The following MMP26 variants were observed in gnomAD, a reference collection of about 807,000 sequenced individuals.
MMP26 encodes matrix metalloproteinase-26.
Under a neutral mutation model 31.0 loss-of-function variants are expected in MMP26, and 33 were observed. That is an observed-to-expected ratio of 1.06 (90% confidence interval 0.81 to 1.42). The LOEUF is 1.42. Among genes scored for constraint, MMP26 ranks in the 40% most tolerant of loss-of-function variants. The pLI, the probability that MMP26 is intolerant of heterozygous loss-of-function variation, is 0.00. For missense variants in MMP26, 347 were observed against 316.1 expected, an observed-to-expected ratio of 1.10 and a Z score of -0.74; for synonymous variants, 122 against 114.9, an observed-to-expected ratio of 1.06 and a Z score of -0.40.
intron 1 of MMP26, among the ~76,000 whole-genome samples, chr11:4,745,653 G>A (rs1282333617): frequency 1.3e-5 from 2 of 152,136 alleles, no homozygotes; most frequent in Non-Finnish European, 2.9e-5. Context: ...TACTGTTGGT[G>A]TTGTATGTTC....
intron 2 of MMP26, among the ~76,000 whole-genome samples, chr11:4,901,179 G>A (rs1465313004): frequency 4.4e-4 from 20 of 45,916 alleles, no homozygotes; most frequent in Admixed American, 7.5e-4. Flanking sequence ...TTTTTTTTGA[G>A]ACGGAGTCTC....
Position 4,907,770 on chromosome 11 carries a change from C to G in MMP26, c.-144-80298C>G. Reference sequence around the variant, plus strand: ...ATTCACAATCCCTTAAGATACAGTTCTATCCTCACTAGCAACAGGGTTGCT... The same window carrying G: ...ATTCACAATCCCTTAAGATACAGTTGTATCCTCACTAGCAACAGGGTTGCT... On this transcript the variant is annotated intron_variant, in intron 2 of 7. Coordinates refer to ENST00000380390, the MANE Select transcript of MMP26 (RefSeq NM_021801.5). 1 of 1,614,080 alleles carries G rather than the reference C, an allele frequency of 6.2e-7. No individual in the cohort carries two copies. Among genetic ancestry groups the G allele is most frequent in the Non-Finnish European group, 8.5e-7 (1 of 1,180,016 alleles).
chr11:4,918,879 T>G (rs1169790949), intron 2 of MMP26, among the ~76,000 whole-genome samples: 1 of 152,200 alleles, frequency 6.6e-6, no homozygotes, highest in African/African-American at 2.4e-5. Context: ...TTCCTATCCA[T>G]CTCCTTGTTT....
In MMP26 at chr11:4,990,383, T is replaced by G. The variant is rs113907326; in HGVS notation, c.321-215T>G. Among the ~76,000 whole-genome samples the G allele has an allele frequency of 5.9e-3, 895 of 152,310 alleles. 5 individuals are homozygous for G. Among genetic ancestry groups the G allele is most frequent in the African/African-American group, 0.02 (841 of 41,558 alleles). On this transcript the variant is annotated intron_variant, in intron 4 of 7. Coordinates refer to ENST00000380390, the MANE Select transcript of MMP26 (RefSeq NM_021801.5). ...AGACTTTAGCTGACCTAAGAATAATTTGGGATATTGTTAAAATTCTTAGAA... is the reference window on the plus strand; with the variant it reads ...AGACTTTAGCTGACCTAAGAATAATGTGGGATATTGTTAAAATTCTTAGAA...
In MMP26 at chr11:4,818,331, T is replaced by C. The variant is rs1022922166; in HGVS notation, c.-145+50990T>C. Reference sequence around the variant, plus strand: ...TTTCTTCAGCTAGTTTGGTGATCGATATTTTCTTATAAAATCATCTATTTT... The same window carrying C: ...TTTCTTCAGCTAGTTTGGTGATCGACATTTTCTTATAAAATCATCTATTTT... On this transcript the variant is annotated intron_variant, in intron 2 of 7. Coordinates refer to ENST00000380390, the MANE Select transcript of MMP26 (RefSeq NM_021801.5). Among the ~76,000 whole-genome samples, 8 of 152,310 alleles carry C rather than the reference T, an allele frequency of 5.3e-5. No homozygotes were observed. In the East Asian group the frequency reaches 1.5e-3, roughly 29 times the overall value.
chr11:4,869,356 T>C (rs1013905845), intron 2 of MMP26, among the ~76,000 whole-genome samples: 46 of 151,944 alleles, frequency 3.0e-4, no homozygotes, highest in Middle Eastern at 3.2e-3. Flanking sequence ...ACAAAGAACT[T>C]AAACAAATTT....
chr11:4,826,532 G>T (rs900969283), intron 2 of MMP26, among the ~76,000 whole-genome samples: 5 of 152,062 alleles, frequency 3.3e-5, no homozygotes, highest in African/African-American at 1.2e-4. Flanking sequence ...GCTGAAGAAA[G>T]CTATGCACTG....
intron 2 of MMP26, chr11:4,832,539 C>T (rs1480611644): frequency 6.6e-6 from 1 of 152,382 alleles, no homozygotes; most frequent in African/African-American, 2.4e-5. Flanking sequence ...AGATATAGCT[C>T]TATTCTCACC....
intron 1 of MMP26, chr11:4,723,067 C>T (rs1848038005): frequency 1.5e-5 from 18 of 1,210,908 alleles, no homozygotes; most frequent in Non-Finnish European, 2.1e-5. Context: ...GCTCCTGGTA[C>T]CCATGCAGCT....
At chr11:4,830,415 A>G (rs1044496878) in intron 2 of MMP26, among the ~76,000 whole-genome samples, 36 of 152,350 alleles carry the variant, frequency 2.4e-4, no homozygotes, top group African/African-American at 8.2e-4. Context: ...TTTATGGCTG[A>G]AAAGACTAGT....
chr11:4,776,968 A>G (rs888105114), intron 2 of MMP26, among the ~76,000 whole-genome samples: 1 of 152,118 alleles, frequency 6.6e-6, no homozygotes. Context: ...AAATATGTAT[A>G]CTATGCTTAC....
intron 2 of MMP26, among the ~76,000 whole-genome samples, chr11:4,774,187 T>C (rs1391551623): frequency 6.6e-6 from 1 of 152,196 alleles, no homozygotes; most frequent in Non-Finnish European, 1.5e-5. Flanking sequence ...ATGGTATTTC[T>C]GGTTGAGGAA....
chr11:4,881,192 C>G (rs1416813050), intron 2 of MMP26, among the ~76,000 whole-genome samples: 1 of 152,154 alleles, frequency 6.6e-6, no homozygotes, highest in Non-Finnish European at 1.5e-5. Flanking sequence ...TCTGCTTCTT[C>G]TTCTGTCTCC....
chr11:4,750,651 A>G (rs2133300410), intron 1 of MMP26, among the ~76,000 whole-genome samples: 1 of 152,194 alleles, frequency 6.6e-6, no homozygotes, highest in South Asian at 2.1e-4. Flanking sequence ...ACATTATCTT[A>G]AATGAAATAA....
intron 2 of MMP26, among the ~76,000 whole-genome samples, chr11:4,810,319 C>T (rs927744487): frequency 1.4e-4 from 22 of 151,796 alleles, no homozygotes; most frequent in African/African-American, 5.1e-4. Context: ...TAAGTCGAGT[C>T]GATGTGTGTA....
chr11:4,774,300 C>T (rs66519116), intron 2 of MMP26, among the ~76,000 whole-genome samples: 14,435 of 152,184 alleles, frequency 0.095, 852 homozygotes, highest in Middle Eastern at 0.15. Flanking sequence ...TGTTTCTTGA[C>T]TTTTTAATAA....
At chr11:4,762,756 A>G (rs1028003493) in intron 1 of MMP26, among the ~76,000 whole-genome samples, 1 of 152,206 alleles carries the variant, frequency 6.6e-6, no homozygotes, top group Non-Finnish European at 1.5e-5. Flanking sequence ...AAGGAGACTC[A>G]CTAGAATGGG....
chr11:4,918,302 C>T (rs1046132345), intron 2 of MMP26, among the ~76,000 whole-genome samples: 5 of 151,996 alleles, frequency 3.3e-5, no homozygotes, highest in Admixed American at 6.6e-5. Flanking sequence ...CAGCCTGAAA[C>T]GGGTGGAGGT....
At chr11:4,710,203 A>G (rs1013259468) in intron 1 of MMP26, 1 of 456,370 alleles carries the variant, frequency 2.2e-6, no homozygotes, top group African/African-American at 2.0e-5. Context: ...GCTGGCTTAG[A>G]CTCTGTCTTG....
Sources: gnomAD v4.1 joint callset for allele counts (sites outside exome capture counted in the v4.1 genomes callset) on GRCh38, gnomAD v4.1.1 for gene constraint, MANE v1.5 for transcripts, NCBI Gene and HGNC (gene_info 2026-07-23, HGNC 2026-07-21) for gene names.